The following ARHGAP44 variants were observed in gnomAD, a reference collection of about 807,000 sequenced individuals.
The protein encoded by ARHGAP44 is rho GTPase-activating protein 44.
ARHGAP44 carries 43 observed loss-of-function variants against 106.8 expected under a neutral mutation model. That is an observed-to-expected ratio of 0.40 (90% CI 0.32 to 0.52). The LOEUF is 0.52. Ranked by LOEUF, ARHGAP44 falls within the 20% of genes least tolerant of loss-of-function variation. The pLI, the probability that ARHGAP44 is intolerant of heterozygous loss-of-function variation, is 0.48. For missense variants in ARHGAP44, 866 were observed against 1,050.5 expected, an observed-to-expected ratio of 0.82 and a Z score of 2.43; for synonymous variants, 439 against 410.3, an observed-to-expected ratio of 1.07 and a Z score of -0.85.
rs775889783 is a variant in ARHGAP44 at position 12,990,187 on chromosome 17, C to A, written c.*16C>A. On this transcript the variant is annotated 3_prime_UTR_variant, in exon 21 of 21. Transcript: ENST00000379672. ...CGCCCTCTGACATGACACCGCCCAT[C>A]CTGCCTCGCGTGTACATACATCACG... The A allele has an allele frequency of 6.2e-7, 1 of 1,608,328 alleles. No individual in the cohort carries two copies. Among genetic ancestry groups the A allele is most frequent in the Non-Finnish European group, 8.5e-7 (1 of 1,175,464 alleles).
chr17:12,970,383 A>AAAAG (rs1555565456), intron 16 of ARHGAP44, among the ~76,000 whole-genome samples: 3,899 of 140,292 alleles, frequency 0.028, 215 homozygotes, highest in South Asian at 0.1. Context: ...AAAAAAAAAA[A>AAAAG]AAAAAGAAAA....
At chr17:12,982,249 G>A (rs1230502229) in intron 19 of ARHGAP44, among the ~76,000 whole-genome samples, 2 of 152,066 alleles carry the variant, frequency 1.3e-5, no homozygotes, top group African/African-American at 2.4e-5. Flanking sequence ...CCCATCTTTT[G>A]AAAGGTATAC....
chr17:12,805,693 A>G (rs2150771495), intron 1 of ARHGAP44, among the ~76,000 whole-genome samples: 1 of 152,322 alleles, frequency 6.6e-6, no homozygotes, highest in South Asian at 2.1e-4. Context: ...TTTACCGACC[A>G]CTTAACTGGC....
chr17:12,942,123 C>G (rs1269944736), intron 8 of ARHGAP44, among the ~76,000 whole-genome samples: 1 of 152,076 alleles, frequency 6.6e-6, no homozygotes, highest in Non-Finnish European at 1.5e-5. Flanking sequence ...TTACTTCCAA[C>G]TTGGAAAGTT....
intron 8 of ARHGAP44, among the ~76,000 whole-genome samples, chr17:12,942,270 C>G (rs140873552): frequency 6.0e-4 from 92 of 152,326 alleles, no homozygotes; most frequent in African/African-American, 2.1e-3. Flanking sequence ...CCTCAGCCTC[C>G]TGACTAGCTG....
intron 1 of ARHGAP44, among the ~76,000 whole-genome samples, chr17:12,886,869 G>T (rs1473149995): frequency 6.6e-6 from 1 of 151,522 alleles, no homozygotes; most frequent in East Asian, 1.9e-4. Flanking sequence ...TTCCTGTTTT[G>T]GAGGAAAGCA....
intron 1 of ARHGAP44, among the ~76,000 whole-genome samples, chr17:12,889,654 C>T (rs993497137): frequency 1.3e-5 from 2 of 152,170 alleles, no homozygotes; most frequent in Non-Finnish European, 2.9e-5. Context: ...TGCATTTGCT[C>T]CATCTCAATA....
chr17:12,863,915 G>T (rs2036162867), intron 1 of ARHGAP44, among the ~76,000 whole-genome samples: 1 of 152,218 alleles, frequency 6.6e-6, no homozygotes, highest in Admixed American at 6.5e-5. Flanking sequence ...TCGCTCACCT[G>T]TCTGTCCATC....
intron 1 of ARHGAP44, among the ~76,000 whole-genome samples, chr17:12,855,399 G>T (rs2035878196): frequency 6.6e-6 from 1 of 152,060 alleles, no homozygotes; most frequent in Non-Finnish European, 1.5e-5. Context: ...TAAGAAAATT[G>T]TGTCAGGAAG....
chr17:12,957,301 C>T (rs2039154544), intron 15 of ARHGAP44, among the ~76,000 whole-genome samples: 1 of 152,212 alleles, frequency 6.6e-6, no homozygotes, highest in Non-Finnish European at 1.5e-5. Flanking sequence ...AAGGTGTCCA[C>T]TGTCTGTACT....
intron 13 of ARHGAP44, 107 bp downstream of exon 13, chr17:12,952,688 A>T (rs2072252): frequency 1.5e-5 from 8 of 539,084 alleles, no homozygotes; most frequent in Non-Finnish European, 2.6e-5. Flanking sequence ...ATAGCATTTT[A>T]TGATGTCCAA....
At chr17:12,905,049 G>A (rs1257721120) in intron 3 of ARHGAP44, among the ~76,000 whole-genome samples, 2 of 150,944 alleles carry the variant, frequency 1.3e-5, no homozygotes, top group Non-Finnish European at 2.9e-5. Flanking sequence ...CTACAGGGGC[G>A]TGCCACCACA....
At chr17:12,989,905 C>A in intron 20 of ARHGAP44, 127 bp from the exon 21 acceptor site, 1 of 1,378,566 alleles carries the variant, frequency 7.3e-7, no homozygotes, top group Non-Finnish European at 1.0e-6. Context: ...TTAAACCAAC[C>A]TCCAAATGAT....
chr17:12,907,543 C>T (rs12453387), intron 3 of ARHGAP44, among the ~76,000 whole-genome samples: 7,273 of 152,258 alleles, frequency 0.048, 245 homozygotes, highest in Admixed American at 0.083. Context: ...TTTGCTTATT[C>T]TGGATATTTC....
intron 1 of ARHGAP44, among the ~76,000 whole-genome samples, chr17:12,795,891 A>G (rs1409551600): frequency 6.6e-6 from 1 of 152,156 alleles, no homozygotes; most frequent in South Asian, 2.1e-4. Context: ...CTTTCTGTCC[A>G]GGAAGCAGAT....
rs193142283 is a variant in ARHGAP44, at chr17:12,845,624, C to T, written c.54-49316C>T. Among the ~76,000 whole-genome samples the T allele has an allele frequency of 2.9e-4, 44 of 152,180 alleles. No individual in the cohort carries two copies. The East Asian group carries it at 3.3e-3, about 11-fold the overall frequency. ...TATTCTCTGTACCTGTAAATCTTTG[C>T]GCATAGTAGGCTCTTGGTTTCTATT... On this transcript the variant is annotated intron_variant, in intron 1 of 20. Coordinates refer to ENST00000379672, the MANE Select transcript of ARHGAP44 (RefSeq NM_014859.6).
At chr17:12,905,100 G>A (rs1248445048) in intron 3 of ARHGAP44, among the ~76,000 whole-genome samples, 2 of 148,418 alleles carry the variant, frequency 1.3e-5, no homozygotes, top group Non-Finnish European at 3.0e-5. Context: ...TTTTAGAAGA[G>A]ACGGGGTTTC....
At chr17:12,848,742 C>A (rs992113909) in intron 1 of ARHGAP44, among the ~76,000 whole-genome samples, 1 of 152,088 alleles carries the variant, frequency 6.6e-6, no homozygotes, top group African/African-American at 2.4e-5. Flanking sequence ...GAACTAAATA[C>A]ATGTTAATCA....
At chr17:12,792,484 C>T (rs537242925) in intron 1 of ARHGAP44, among the ~76,000 whole-genome samples, 2 of 152,220 alleles carry the variant, frequency 1.3e-5, no homozygotes, top group Admixed American at 6.5e-5. Context: ...TGAGGGTCAG[C>T]GAGAGGGGCA....
Sources: gnomAD v4.1 joint callset for allele counts (sites outside exome capture counted in the v4.1 genomes callset) on GRCh38, gnomAD v4.1.1 for gene constraint, MANE v1.5 for transcripts, NCBI Gene and HGNC (gene_info 2026-07-23, HGNC 2026-07-21) for gene names.